Variants in NKAIN2 observed in about 807,000 individuals in gnomAD.
The protein encoded by NKAIN2 is sodium/potassium-transporting ATPase subunit beta-1-interacting protein 2.
Under a neutral mutation model 32.6 loss-of-function variants are expected in NKAIN2, and 14 were observed. The ratio of observed to expected loss-of-function variants is 0.43; its 90% CI spans 0.28 to 0.67. The LOEUF (loss-of-function observed/expected upper bound fraction) is 0.67. Ranked by LOEUF, NKAIN2 falls within the 30% of genes least tolerant of loss-of-function variation. NKAIN2 has a pLI of 0.17. For synonymous variants in NKAIN2, 80 were observed against 87.2 expected, an observed-to-expected ratio of 0.92 and a Z score of 0.46; for missense variants, 198 against 258.3, an observed-to-expected ratio of 0.77 and a Z score of 1.60.
intron 1 of NKAIN2, among the ~76,000 whole-genome samples, chr6:124,205,234 G>A (rs1375859800): frequency 6.6e-6 from 1 of 151,796 alleles, no homozygotes; most frequent in Non-Finnish European, 1.5e-5. Context: ...CGTGAGGAAG[G>A]GCGCAGCATC....
chr6:124,331,345 CAAAAAAAAAAAAAAAAAAA>C lies in NKAIN2; in HGVS notation c.193-23906_193-23888del, dbSNP rs1162529828. 5.8e-4 allele frequency among the ~76,000 whole-genome samples: 12 copies of C among 20,818 alleles called. No homozygotes were observed. The South Asian group carries it at 0.03, about 51-fold the overall frequency. The allele number at this position is 20,818 out of a possible 152,430, so 13.7% of individuals were successfully genotyped here. ...TGAAACCCTGTCTCTACTAAATATA[CAAAAAAAAAAAAAAAAAAA>C]AAAAAAAAAAAAAAACTAGCTGGGC... is the stretch of plus-strand genomic sequence containing the variant. On this transcript the variant is annotated intron_variant, in intron 2 of 6. Transcript: ENST00000368417.
intron 1 of NKAIN2, among the ~76,000 whole-genome samples, chr6:123,895,184 GTC>G (rs1247775378): frequency 6.7e-6 from 1 of 149,460 alleles, no homozygotes; most frequent in Non-Finnish European, 1.5e-5. Context: ...GTCTCTCTCT[GTC>G]TCTCTCACAC....
chr6:124,694,279 C>T (rs1774390516), intron 4 of NKAIN2, among the ~76,000 whole-genome samples: 1 of 152,200 alleles, frequency 6.6e-6, no homozygotes, highest in Admixed American at 6.5e-5. Context: ...ACTTGAGGCT[C>T]ACTCAAGCAG....
chr6:123,842,697 G>T (rs567648246), intron 1 of NKAIN2, among the ~76,000 whole-genome samples: 2 of 150,692 alleles, frequency 1.3e-5, no homozygotes, highest in Admixed American at 6.6e-5. Flanking sequence ...CTAATTTAAC[G>T]TCCACTTAGA....
intron 1 of NKAIN2, among the ~76,000 whole-genome samples, chr6:123,936,444 G>T (rs919490037): frequency 2.6e-5 from 4 of 152,112 alleles, no homozygotes; most frequent in Middle Eastern, 6.8e-3. Context: ...TAAAGGAAAA[G>T]AAAAATTTCT....
At chr6:124,512,576 C>T (rs1778754434) in intron 3 of NKAIN2, among the ~76,000 whole-genome samples, 1 of 152,080 alleles carries the variant, frequency 6.6e-6, no homozygotes, top group Non-Finnish European at 1.5e-5. Flanking sequence ...AGAGCATCCT[C>T]CCACCGACTA....
chr6:124,243,769 A>G (rs1793235961), intron 1 of NKAIN2, among the ~76,000 whole-genome samples: 2 of 152,150 alleles, frequency 1.3e-5, no homozygotes, highest in Non-Finnish European at 1.5e-5. Flanking sequence ...AGTTTTCAGC[A>G]ACTCTAATTT....
intron 4 of NKAIN2, among the ~76,000 whole-genome samples, chr6:124,769,112 A>G (rs918673116): frequency 6.6e-6 from 1 of 152,202 alleles, no homozygotes; most frequent in African/African-American, 2.4e-5. Context: ...GGTCGATTTT[A>G]AATGCTAGCC....
intron 3 of NKAIN2, among the ~76,000 whole-genome samples, chr6:124,438,264 TG>T (rs1488027851): frequency 3.3e-5 from 5 of 151,050 alleles, no homozygotes; most frequent in Admixed American, 2.0e-4. Flanking sequence ...GCTTCTATAA[TG>T]TTTTTTTTCC....
Position 123,872,930 on chromosome 6 carries a change from C to T in NKAIN2, c.54+68676C>T, listed in dbSNP as rs554190081. Among the ~76,000 whole-genome samples the T allele has an allele frequency of 2.2e-3, 338 of 152,242 alleles. 2 individuals are homozygous for T. Among genetic ancestry groups the T allele is most frequent in the Non-Finnish European group, 3.3e-3 (226 of 68,024 alleles). On this transcript the variant is annotated intron_variant, in intron 1 of 6. Transcript: ENST00000368417. ...ATTGGTCAATCCTACATTCTGGTAT[C>T]ACACACGTTTTAAGAACACCCTATT... is the stretch of plus-strand genomic sequence containing the variant.
intron 3 of NKAIN2, among the ~76,000 whole-genome samples, chr6:124,581,069 A>T (rs1781500653): frequency 1.3e-5 from 2 of 152,178 alleles, no homozygotes; most frequent in Non-Finnish European, 2.9e-5. Context: ...AGAGAGATAG[A>T]CCCCAATGCA....
chr6:124,390,528 A>G (rs977395843), intron 3 of NKAIN2, among the ~76,000 whole-genome samples: 3 of 152,140 alleles, frequency 2.0e-5, no homozygotes, highest in African/African-American at 7.2e-5. Flanking sequence ...AAGATTTGTA[A>G]TACAGAAAAA....
At chr6:124,456,035 G>A (rs917527839) in intron 3 of NKAIN2, among the ~76,000 whole-genome samples, 2 of 151,738 alleles carry the variant, frequency 1.3e-5, no homozygotes, top group Non-Finnish European at 2.9e-5. Context: ...TGTGATTATT[G>A]TAAGTGACAT....
chr6:124,797,169 C>CAAAAAAAAA (rs563319426), intron 5 of NKAIN2, among the ~76,000 whole-genome samples: 1 of 87,152 alleles, frequency 1.1e-5, no homozygotes, highest in Non-Finnish European at 2.2e-5. Context: ...TCCATGTTAG[C>CAAAAAAAAA]AAAAAAAAAA....
At chr6:124,812,360 A>C (rs1488836228) in intron 5 of NKAIN2, among the ~76,000 whole-genome samples, 2 of 152,260 alleles carry the variant, frequency 1.3e-5, no homozygotes, top group East Asian at 1.9e-4. Context: ...TACAGCCTAA[A>C]GGGTCTAAGA....
chr6:124,801,731 C>T (rs2114832916), intron 5 of NKAIN2, among the ~76,000 whole-genome samples: 1 of 152,182 alleles, frequency 6.6e-6, no homozygotes, highest in South Asian at 2.1e-4. Context: ...GATGGAGGTG[C>T]CATGGGAATG....
At chr6:123,869,542 G>A (rs1772760126) in intron 1 of NKAIN2, among the ~76,000 whole-genome samples, 1 of 152,182 alleles carries the variant, frequency 6.6e-6, no homozygotes, top group African/African-American at 2.4e-5. Flanking sequence ...TGATTCGCCT[G>A]TCATTAAATG....
chr6:124,039,990 A>T (rs146979818), intron 1 of NKAIN2, among the ~76,000 whole-genome samples: 48 of 152,014 alleles, frequency 3.2e-4, no homozygotes, highest in African/African-American at 1.1e-3. Context: ...CACCCTCAAC[A>T]CTTAACACAG....
intron 3 of NKAIN2, among the ~76,000 whole-genome samples, chr6:124,431,923 GA>G: frequency 6.6e-6 from 1 of 152,192 alleles, no homozygotes; most frequent in Non-Finnish European, 1.5e-5. Flanking sequence ...ACATATTTCA[GA>G]TACTGAAATA....
Sources: allele counts gnomAD v4.1 joint callset (sites outside exome capture counted in the v4.1 genomes callset), GRCh38; gene constraint gnomAD v4.1.1; transcripts MANE v1.5; gene names NCBI Gene and HGNC (gene_info 2026-07-23, HGNC 2026-07-21).